Variants in CSTPP1 observed in about 807,000 individuals in gnomAD.
The protein encoded by CSTPP1 is UPF0705 protein C11orf49.
At chr11:46,960,275 T>G in the CSTPP1 span, among the ~76,000 whole-genome samples, 5 of 152,188 alleles carry the variant, frequency 3.3e-5, no homozygotes, top group Non-Finnish European at 7.3e-5. Flanking sequence ...GGTGAGATTT[T>G]TTAGTATACT....
At chr11:47,008,283 G>T in the CSTPP1 span, among the ~76,000 whole-genome samples, 1 of 151,766 alleles carries the variant, frequency 6.6e-6, no homozygotes, top group East Asian at 1.9e-4. Flanking sequence ...TTTTTTATCT[G>T]CAAGCCCTAA....
chr11:47,115,697 T>C, the CSTPP1 span, among the ~76,000 whole-genome samples: 191 of 152,214 alleles, frequency 1.3e-3, no homozygotes, highest in Middle Eastern at 3.4e-3. Flanking sequence ...TTGATTCTTC[T>C]CTCTTTTCTT....
At chr11:46,980,313 A>T in the CSTPP1 span, among the ~76,000 whole-genome samples, 1 of 152,164 alleles carries the variant, frequency 6.6e-6, no homozygotes, top group South Asian at 2.1e-4. Context: ...CATATGTGTA[A>T]TGCTTTGTTT....
At chr11:47,161,162 C>A in the CSTPP1 span, 2 of 1,614,200 alleles carry the variant, frequency 1.2e-6, no homozygotes, top group Non-Finnish European at 1.7e-6. Flanking sequence ...GATGCACGAC[C>A]CAGCAATGGA....
the CSTPP1 span, among the ~76,000 whole-genome samples, chr11:47,067,813 C>T: frequency 1.2e-4 from 19 of 152,244 alleles, no homozygotes; most frequent in Non-Finnish European, 2.4e-4. Context: ...TTCTTTTTAA[C>T]TCACAGTTTC....
chr11:47,159,777 G>A, the CSTPP1 span: 354 of 450,988 alleles, frequency 7.8e-4, 1 homozygote, highest in African/African-American at 5.5e-3. Flanking sequence ...AGGCCGAGGC[G>A]GCGGATCACC....
the CSTPP1 span, among the ~76,000 whole-genome samples, chr11:46,940,062 GGGTTTCT>G: frequency 1.3e-5 from 2 of 152,176 alleles, no homozygotes; most frequent in African/African-American, 4.8e-5. Flanking sequence ...GGTAGAGATA[GGGTTTCT>G]CCATGTTGCC....
At chr11:47,060,258 C>CTTTTTTTTTTTTTTTTTTTTTTTT in the CSTPP1 span, among the ~76,000 whole-genome samples, 1 of 99,016 alleles carries the variant, frequency 1.0e-5, no homozygotes, top group African/African-American at 4.0e-5. Flanking sequence ...CTTTTCTTTT[C>CTTTTTTTTTTTTTTTTTTTTTTTT]TTTTTTTTTT....
the CSTPP1 span, chr11:47,137,227 G>A: frequency 1.6e-6 from 2 of 1,235,260 alleles, no homozygotes; most frequent in Non-Finnish European, 1.1e-6. Context: ...GATATTCTGT[G>A]GATGGTCTTT....
the CSTPP1 span, among the ~76,000 whole-genome samples, chr11:47,152,265 T>C: frequency 6.6e-6 from 1 of 151,884 alleles, no homozygotes; most frequent in African/African-American, 2.4e-5. Flanking sequence ...AATGCCTCTA[T>C]TGTTACCCGT....
chr11:47,043,914 T>A, the CSTPP1 span, among the ~76,000 whole-genome samples: 1 of 152,226 alleles, frequency 6.6e-6, no homozygotes. Flanking sequence ...TTTAAATTAT[T>A]CATTCTCTAT....
At chr11:47,039,283 T>C in the CSTPP1 span, among the ~76,000 whole-genome samples, 1 of 127,740 alleles carries the variant, frequency 7.8e-6, no homozygotes, top group African/African-American at 2.5e-5. Flanking sequence ...GGCGGATCAC[T>C]CGCGGTTAGG....
At chr11:46,985,254 T>C in the CSTPP1 span, among the ~76,000 whole-genome samples, 3 of 152,294 alleles carry the variant, frequency 2.0e-5, no homozygotes, top group Admixed American at 2.0e-4. Context: ...ATCATTATGG[T>C]CAAATGAAGA....
chr11:46,958,766 G>A, the CSTPP1 span, among the ~76,000 whole-genome samples: 4 of 152,174 alleles, frequency 2.6e-5, no homozygotes, highest in African/African-American at 9.7e-5. Context: ...GAGAAGGTAG[G>A]GTGAGGAGGA....
At chr11:46,990,770 T>C in the CSTPP1 span, among the ~76,000 whole-genome samples, 13 of 152,224 alleles carry the variant, frequency 8.5e-5, no homozygotes, top group Admixed American at 6.5e-4. Flanking sequence ...AGATCTTACA[T>C]TTAAATCTTT....
chr11:47,041,586 G>A, the CSTPP1 span: 183 of 401,948 alleles, frequency 4.6e-4, 25 homozygotes, highest in African/African-American at 2.4e-3. Flanking sequence ...CATTGATGCC[G>A]GGAAAGGCGC....
the CSTPP1 span, among the ~76,000 whole-genome samples, chr11:47,029,564 C>T: frequency 6.6e-6 from 1 of 150,792 alleles, no homozygotes; most frequent in Non-Finnish European, 1.5e-5. Flanking sequence ...AGCCAAGATA[C>T]AAGATTGTGC....
chr11:47,001,004 G>A, the CSTPP1 span, among the ~76,000 whole-genome samples: 1 of 152,132 alleles, frequency 6.6e-6, no homozygotes, highest in South Asian at 2.1e-4. Flanking sequence ...CAAGAAAACA[G>A]CCAGAGTAAG....
chr11:47,112,832 TTTTG>T, the CSTPP1 span, among the ~76,000 whole-genome samples: 1 of 152,058 alleles, frequency 6.6e-6, no homozygotes, highest in African/African-American at 2.4e-5. Flanking sequence ...GTTATCCCCA[TTTTG>T]TTTATTTATT....
Sources: allele counts gnomAD v4.1 joint callset (sites outside exome capture counted in the v4.1 genomes callset), GRCh38; gene constraint gnomAD v4.1.1; transcripts MANE v1.5; gene names NCBI Gene and HGNC (gene_info 2026-07-23, HGNC 2026-07-21).